ERC2: variants seen among roughly 807,000 people sequenced by gnomAD.
ERC2 encodes the protein ELKS/RAB6-interacting/CAST family member 2.
A neutral mutation model predicts 114.8 loss-of-function variants in ERC2; 42 were observed. The observed-to-expected ratio is 0.37, with a 90% confidence interval of 0.29 to 0.47. The LOEUF is 0.47. Ranked by LOEUF, ERC2 falls within the 20% of genes least tolerant of loss-of-function variation. The pLI, the probability that ERC2 is intolerant of heterozygous loss-of-function variation, is 0.99. For synonymous variants in ERC2, 454 were observed against 425.5 expected (o/e 1.07, Z -0.82); for missense variants, 939 against 1,150.7 (o/e 0.82, Z 2.66).
chr3:55,776,631 T>C (rs1387555345), intron 14 of ERC2, among the ~76,000 whole-genome samples: 1 of 152,146 alleles, frequency 6.6e-6, no homozygotes. Flanking sequence ...GGTCAAGCTG[T>C]GGGACAGCTA....
chr3:55,817,527 T>G (rs568058930), intron 14 of ERC2, among the ~76,000 whole-genome samples: 1 of 152,218 alleles, frequency 6.6e-6, no homozygotes, highest in African/African-American at 2.4e-5. Context: ...ATAAGCGATA[T>G]TTATATTGTC....
chr3:55,561,295 C>A (rs775122822), intron 17 of ERC2, among the ~76,000 whole-genome samples: 1 of 151,870 alleles, frequency 6.6e-6, no homozygotes, highest in Non-Finnish European at 1.5e-5. Flanking sequence ...TCATTTTTTC[C>A]GTGTGTCCAT....
At chr3:55,909,771 T>G (rs2064692411) in intron 13 of ERC2, among the ~76,000 whole-genome samples, 1 of 152,034 alleles carries the variant, frequency 6.6e-6, no homozygotes, top group Non-Finnish European at 1.5e-5. Context: ...CCTCATAAAG[T>G]CTGAGATTTA....
intron 14 of ERC2, among the ~76,000 whole-genome samples, chr3:55,763,080 T>A (rs1451347723): frequency 6.6e-6 from 1 of 152,196 alleles, no homozygotes; most frequent in Non-Finnish European, 1.5e-5. Flanking sequence ...ACTTGAGGAA[T>A]GACTTGGATT....
intron 17 of ERC2, among the ~76,000 whole-genome samples, chr3:55,656,098 C>CTT (rs1553742858): frequency 2.0e-5 from 3 of 150,096 alleles, no homozygotes; most frequent in African/African-American, 7.4e-5. Flanking sequence ...ATGGAATGCA[C>CTT]TTTATTTATT....
At chr3:55,938,958 T>A (rs1018722722) in intron 13 of ERC2, among the ~76,000 whole-genome samples, 2 of 152,222 alleles carry the variant, frequency 1.3e-5, no homozygotes. Flanking sequence ...TTAAAAAAAA[T>A]TTATCAGATT....
intron 17 of ERC2, among the ~76,000 whole-genome samples, chr3:55,634,184 G>A (rs916690850): frequency 2.0e-5 from 3 of 152,202 alleles, no homozygotes; most frequent in Admixed American, 1.3e-4. Flanking sequence ...CCCCAGACAC[G>A]AAGACAGTTT....
chr3:55,534,009 G>A (rs1220869666), intron 17 of ERC2, among the ~76,000 whole-genome samples: 1 of 152,128 alleles, frequency 6.6e-6, no homozygotes, highest in South Asian at 2.1e-4. Flanking sequence ...CCACTTACTG[G>A]TCATGTGCCT....
At chr3:56,158,892 A>T (rs1390417162) in intron 4 of ERC2, among the ~76,000 whole-genome samples, 1 of 151,882 alleles carries the variant, frequency 6.6e-6, no homozygotes, top group Non-Finnish European at 1.5e-5. Context: ...TAGGGGAGTG[A>T]TATGGTTTGG....
chr3:56,434,073 C>A, intron 2 of ERC2: 1 of 426,560 alleles, frequency 2.3e-6, no homozygotes, highest in Non-Finnish European at 4.2e-6. Flanking sequence ...CAAAATTAAC[C>A]AAGTACAAAA....
intron 15 of ERC2, among the ~76,000 whole-genome samples, chr3:55,713,131 TCACACACACA>T (rs10656961): frequency 2.2e-5 from 3 of 139,332 alleles, no homozygotes; most frequent in Non-Finnish European, 4.6e-5. Flanking sequence ...TCTCTCTGTC[TCACACACACA>T]CACACACACA....
At chr3:56,270,360 T>C (rs2053581515) in intron 3 of ERC2, among the ~76,000 whole-genome samples, 2 of 152,204 alleles carry the variant, frequency 1.3e-5, no homozygotes, top group Admixed American at 1.3e-4. Context: ...ATAAGCACAT[T>C]TATTGCCATT....
intron 12 of ERC2, among the ~76,000 whole-genome samples, chr3:55,967,955 C>G (rs1301732274): frequency 6.6e-6 from 1 of 152,148 alleles, no homozygotes; most frequent in Non-Finnish European, 1.5e-5. Flanking sequence ...GACTTTCCAT[C>G]CTATAGAAAT....
At chr3:55,698,053 T>C (rs904110273) in intron 16 of ERC2, among the ~76,000 whole-genome samples, 1 of 151,810 alleles carries the variant, frequency 6.6e-6, no homozygotes, top group African/African-American at 2.4e-5. Context: ...TACAAGATAA[T>C]GACATGAAAT....
intron 8 of ERC2, among the ~76,000 whole-genome samples, chr3:56,015,172 T>G (rs1265122817): frequency 6.6e-6 from 1 of 152,188 alleles, no homozygotes; most frequent in Non-Finnish European, 1.5e-5. Context: ...TGTACATTCT[T>G]TATCTTACAA....
intron 14 of ERC2, among the ~76,000 whole-genome samples, chr3:55,756,125 G>A (rs2148982281): frequency 6.6e-6 from 1 of 152,170 alleles, no homozygotes; most frequent in African/African-American, 2.4e-5. Flanking sequence ...GTCTTCAAAA[G>A]TTTGCAGCTT....
chr3:55,740,463 C>A (rs1267608572), intron 14 of ERC2, among the ~76,000 whole-genome samples: 1 of 151,610 alleles, frequency 6.6e-6, no homozygotes, highest in East Asian at 1.9e-4. Flanking sequence ...ATTTTGAAAC[C>A]CTCATTTAAA....
At chr3:55,792,369 T>C (rs2070108613) in intron 14 of ERC2, among the ~76,000 whole-genome samples, 1 of 152,134 alleles carries the variant, frequency 6.6e-6, no homozygotes, top group African/African-American at 2.4e-5. Flanking sequence ...CATTTAAAAG[T>C]CACTGTGTGC....
At chr3:55,636,112 G>A (rs2059949454) in intron 17 of ERC2, among the ~76,000 whole-genome samples, 1 of 151,876 alleles carries the variant, frequency 6.6e-6, no homozygotes, top group East Asian at 1.9e-4. Flanking sequence ...CTGACCTCAG[G>A]TGATCCGCCC....
Sources: allele counts gnomAD v4.1 joint callset (sites outside exome capture counted in the v4.1 genomes callset), GRCh38; gene constraint gnomAD v4.1.1; transcripts MANE v1.5; gene names NCBI Gene and HGNC (gene_info 2026-07-23, HGNC 2026-07-21).